Variants in HPSE2 observed in about 807,000 individuals in gnomAD.
The protein encoded by HPSE2 is inactive heparanase-2.
Under a neutral mutation model 60.5 loss-of-function variants are expected in HPSE2, and 38 were observed. That is an observed-to-expected ratio of 0.63 (90% CI 0.48 to 0.82). The LOEUF is 0.82. Among genes scored for constraint, HPSE2 ranks in the 40% least tolerant of loss-of-function variants. HPSE2 has a pLI of 0.00. For synonymous variants in HPSE2, 295 were observed against 293.2 expected, an observed-to-expected ratio of 1.01 and a Z score of -0.06; for missense variants, 713 against 740.4, an observed-to-expected ratio of 0.96 and a Z score of 0.43.
intron 9 of HPSE2, among the ~76,000 whole-genome samples, chr10:98,543,201 A>G (rs1042448173): frequency 1.3e-5 from 2 of 152,220 alleles, no homozygotes; most frequent in African/African-American, 4.8e-5. Context: ...AGAATTTTCA[A>G]TCTAGAATTT....
At chr10:99,247,574 G>GC in the HPSE2 span, among the ~76,000 whole-genome samples, 3 of 152,162 alleles carry the variant, frequency 2.0e-5, no homozygotes, top group Non-Finnish European at 4.4e-5. Context: ...TGGTCTAAAT[G>GC]CCCCACTTAA....
intron 3 of HPSE2, among the ~76,000 whole-genome samples, chr10:98,905,823 A>G (rs1953799381): frequency 6.6e-6 from 1 of 152,194 alleles, no homozygotes; most frequent in East Asian, 1.9e-4. Context: ...TTGGAAACTA[A>G]AAGAATGATA....
intron 3 of HPSE2, among the ~76,000 whole-genome samples, chr10:99,003,090 A>T (rs959943099): frequency 3.9e-5 from 6 of 152,096 alleles, no homozygotes; most frequent in Admixed American, 1.3e-4. Flanking sequence ...GATTCCACAT[A>T]TATACTATGC....
At chr10:99,239,426 T>G (rs1164490525), upstream of HPSE2, among the ~76,000 whole-genome samples, 3 of 128,546 alleles carry the variant, frequency 2.3e-5, no homozygotes, top group East Asian at 2.2e-4. Flanking sequence ...AGGTTTTTTT[T>G]TTTTTTTTTT....
intron 3 of HPSE2, among the ~76,000 whole-genome samples, chr10:99,123,334 A>G (rs1845032660): frequency 6.6e-6 from 1 of 152,248 alleles, no homozygotes; most frequent in Admixed American, 6.5e-5. Context: ...GCAAATCACC[A>G]ATAAACAGGT....
chr10:98,751,020 T>A (rs1336502), intron 3 of HPSE2, among the ~76,000 whole-genome samples: 105,296 of 151,792 alleles, frequency 0.69, 37,634 homozygotes, highest in Non-Finnish European at 0.8. Flanking sequence ...TTAGTTTCCA[T>A]CCCAGCTCTT....
At chr10:99,180,309 AGT>A (rs561019991) in intron 2 of HPSE2, among the ~76,000 whole-genome samples, 37 of 152,336 alleles carry the variant, frequency 2.4e-4, no homozygotes, top group African/African-American at 8.7e-4. Flanking sequence ...TAATTATCAG[AGT>A]GAACAGGCAA....
chr10:98,676,347 A>G (rs1947642764), intron 6 of HPSE2, among the ~76,000 whole-genome samples: 1 of 152,196 alleles, frequency 6.6e-6, no homozygotes, highest in Admixed American at 6.5e-5. Flanking sequence ...CTCTTCAAGT[A>G]AAATCCAGAA....
intron 11 of HPSE2, among the ~76,000 whole-genome samples, chr10:98,469,539 G>T (rs1453214621): frequency 6.6e-6 from 1 of 152,142 alleles, no homozygotes; most frequent in Non-Finnish European, 1.5e-5. Flanking sequence ...TGTCTTCTAA[G>T]AAAACACTGA....
chr10:98,490,956 T>C (rs1941623251), intron 9 of HPSE2, among the ~76,000 whole-genome samples: 1 of 152,242 alleles, frequency 6.6e-6, no homozygotes. Flanking sequence ...ATATTTTGTG[T>C]TTGCATCTGA....
At chr10:99,307,385 T>C in the HPSE2 span, among the ~76,000 whole-genome samples, 1 of 152,206 alleles carries the variant, frequency 6.6e-6, no homozygotes, top group Non-Finnish European at 1.5e-5. Flanking sequence ...CTATTGATTG[T>C]GCACCTCAAT....
At chr10:99,282,564 G>A in the HPSE2 span, among the ~76,000 whole-genome samples, 2 of 151,954 alleles carry the variant, frequency 1.3e-5, no homozygotes, top group Non-Finnish European at 2.9e-5. Context: ...ATAACAGAAC[G>A]GATTCTTCTC....
At chr10:98,978,411 A>G (rs1956135616) in intron 3 of HPSE2, among the ~76,000 whole-genome samples, 1 of 152,166 alleles carries the variant, frequency 6.6e-6, no homozygotes, top group Admixed American at 6.6e-5. Flanking sequence ...TTTAGAATGA[A>G]TCTTGTTTTC....
rs74854060 is a variant in HPSE2 at position 99,112,984 on chromosome 10, T to A, written c.610+31254A>T. On this transcript the variant is annotated intron_variant, in intron 3 of 11. Coordinates refer to ENST00000370552, the MANE Select transcript of HPSE2 (RefSeq NM_021828.5). ...ACACATATACACATGCATGGAAAAT[T>A]TTAGTTCTGACAACCATGAAACTTA... is the stretch of plus-strand genomic sequence containing the variant. Among the ~76,000 whole-genome samples the A allele has an allele frequency of 2.0e-5, 3 of 152,238 alleles. No individual in the cohort carries two copies. In the East Asian group the frequency reaches 5.8e-4, roughly 29 times the overall value.
At chr10:98,550,517 G>T (rs992433236) in intron 9 of HPSE2, among the ~76,000 whole-genome samples, 5 of 151,236 alleles carry the variant, frequency 3.3e-5, no homozygotes, top group African/African-American at 1.2e-4. Flanking sequence ...TGCCCAGGCT[G>T]GAGTGCAGTG....
the HPSE2 span, among the ~76,000 whole-genome samples, chr10:99,280,230 A>C: frequency 2.0e-5 from 3 of 152,182 alleles, no homozygotes; most frequent in Non-Finnish European, 4.4e-5. Context: ...AGGAAAGGAG[A>C]GTGAAAGGTC....
the HPSE2 span, among the ~76,000 whole-genome samples, chr10:99,305,969 G>A: frequency 0.023 from 1,156 of 50,760 alleles, 16 homozygotes; most frequent in East Asian, 0.11. Context: ...ACACGCGCGC[G>A]CGCGCGCGCG....
At chr10:98,827,721 T>C (rs1198389198) in intron 3 of HPSE2, among the ~76,000 whole-genome samples, 1 of 152,226 alleles carries the variant, frequency 6.6e-6, no homozygotes, top group Non-Finnish European at 1.5e-5. Flanking sequence ...TAAAAATTCA[T>C]AGTTAAAAAC....
intron 4 of HPSE2, among the ~76,000 whole-genome samples, chr10:98,729,796 C>T (rs1261761807): frequency 6.6e-6 from 1 of 151,892 alleles, no homozygotes; most frequent in Non-Finnish European, 1.5e-5. Flanking sequence ...GTCTCAACAT[C>T]AGGAAGATAT....
Sources: allele counts gnomAD v4.1 joint callset (sites outside exome capture counted in the v4.1 genomes callset), GRCh38; gene constraint gnomAD v4.1.1; transcripts MANE v1.5; gene names NCBI Gene and HGNC (gene_info 2026-07-23, HGNC 2026-07-21).